Variants in CATSPERT observed in about 807,000 individuals in gnomAD.
CATSPERT encodes catsper channel auxiliary subunit tau, also known as cation channel sperm-associated targeting subunit tau.
the CATSPERT span, among the ~76,000 whole-genome samples, chr2:201,533,523 T>C: frequency 2.0e-5 from 3 of 152,168 alleles, no homozygotes; most frequent in African/African-American, 7.2e-5. Context: ...AGGGGACAGA[T>C]GGTCTCTTCA....
At chr2:201,517,302 C>T in the CATSPERT span, among the ~76,000 whole-genome samples, 1 of 152,042 alleles carries the variant, frequency 6.6e-6, no homozygotes, top group African/African-American at 2.4e-5. Context: ...AGGGGAAGAC[C>T]GTTATTAGCC....
chr2:201,518,274 C>T, the CATSPERT span, among the ~76,000 whole-genome samples: 94 of 152,296 alleles, frequency 6.2e-4, 2 homozygotes, highest in South Asian at 3.7e-3. Flanking sequence ...AAAGGACTGC[C>T]CATTATGAAT....
chr2:201,545,578 T>C, the CATSPERT span: 6 of 1,457,520 alleles, frequency 4.1e-6, 1 homozygote, highest in Admixed American at 1.4e-4. Context: ...CTCTTCAGGA[T>C]GATTACTTTT....
chr2:201,565,828 G>A, the CATSPERT span: 5 of 1,611,348 alleles, frequency 3.1e-6, no homozygotes, highest in South Asian at 2.2e-5. Flanking sequence ...CAGGTCTGGG[G>A]ATAAGAATGC....
At chr2:201,493,293 TG>T in the CATSPERT span, 1 of 1,536,614 alleles carries the variant, frequency 6.5e-7, no homozygotes, top group Non-Finnish European at 8.7e-7. Context: ...TTGAATCTTG[TG>T]GGAACATATT....
the CATSPERT span, among the ~76,000 whole-genome samples, chr2:201,540,790 C>T: frequency 3.0e-4 from 45 of 152,340 alleles, no homozygotes; most frequent in African/African-American, 9.6e-4. Context: ...TTCAAGTCCT[C>T]TCATTTCAGA....
At chr2:201,590,812 T>C in the CATSPERT span, among the ~76,000 whole-genome samples, 132,192 of 150,934 alleles carry the variant, frequency 0.88, 58,914 homozygotes, top group South Asian at 0.98. Flanking sequence ...TCATGTCCTT[T>C]GCCCACTTTT....
At chr2:201,528,121 C>T in the CATSPERT span, among the ~76,000 whole-genome samples, 1 of 149,296 alleles carries the variant, frequency 6.7e-6, no homozygotes. Flanking sequence ...AGACACCTAT[C>T]AAAAGATATA....
chr2:201,574,310 G>A, the CATSPERT span: 6 of 1,549,122 alleles, frequency 3.9e-6, no homozygotes, highest in Non-Finnish European at 3.5e-6. Context: ...TGTTTGATCA[G>A]GATGATATTT....
At chr2:201,601,787 C>G in the CATSPERT span, 1 of 1,612,184 alleles carries the variant, frequency 6.2e-7, no homozygotes, top group Admixed American at 1.7e-5. Context: ...CAGTGTTCTT[C>G]TCATCGTTTT....
the CATSPERT span, among the ~76,000 whole-genome samples, chr2:201,613,918 GC>G: frequency 1.3e-5 from 2 of 152,174 alleles, no homozygotes; most frequent in Non-Finnish European, 2.9e-5. Context: ...GCATGCACAA[GC>G]TTCAGTAGCC....
the CATSPERT span, among the ~76,000 whole-genome samples, chr2:201,572,577 A>C: frequency 2.6e-5 from 4 of 152,226 alleles, no homozygotes; most frequent in South Asian, 8.3e-4. Context: ...TGAAAAGAAT[A>C]TCTCTCCTTA....
At chr2:201,565,730 T>C in the CATSPERT span, 1 of 1,544,726 alleles carries the variant, frequency 6.5e-7, no homozygotes, top group Non-Finnish European at 8.7e-7. Flanking sequence ...TTTTTTTACC[T>C]TTCCCGGGGT....
the CATSPERT span, among the ~76,000 whole-genome samples, chr2:201,543,876 T>C: frequency 0.42 from 63,870 of 151,908 alleles, 14,039 homozygotes; most frequent in East Asian, 0.75. Flanking sequence ...TTTATTATTA[T>C]ACTTTAAGTT....
chr2:201,493,607 C>T, the CATSPERT span: 1 of 1,537,014 alleles, frequency 6.5e-7, no homozygotes, highest in Non-Finnish European at 8.7e-7. Context: ...TCAGCATTTT[C>T]TTCATGAAAT....
the CATSPERT span, among the ~76,000 whole-genome samples, chr2:201,613,785 C>T: frequency 6.6e-6 from 1 of 152,122 alleles, no homozygotes; most frequent in African/African-American, 2.4e-5. Flanking sequence ...TGTTCGAACC[C>T]ATTGTAAAGA....
chr2:201,608,148 T>C, the CATSPERT span, among the ~76,000 whole-genome samples: 1 of 152,150 alleles, frequency 6.6e-6, no homozygotes, highest in Non-Finnish European at 1.5e-5. Context: ...TCCAGCATAA[T>C]TTTTTTGGGT....
chr2:201,517,052 A>G, the CATSPERT span, among the ~76,000 whole-genome samples: 17 of 150,946 alleles, frequency 1.1e-4, no homozygotes, highest in Non-Finnish European at 2.5e-4. Flanking sequence ...ACATGCTGCT[A>G]TAGCTCTACC....
the CATSPERT span, chr2:201,601,834 C>CT: frequency 5.6e-6 from 9 of 1,609,490 alleles, no homozygotes; most frequent in Non-Finnish European, 7.6e-6. Flanking sequence ...CATTTCACAG[C>CT]TTTGTTTATA....
Sources: gnomAD v4.1 joint callset for allele counts (sites outside exome capture counted in the v4.1 genomes callset) on GRCh38, gnomAD v4.1.1 for gene constraint, MANE v1.5 for transcripts, NCBI Gene and HGNC (gene_info 2026-07-23, HGNC 2026-07-21) for gene names.